The following CCDC68 variants were observed in gnomAD, a reference collection of about 807,000 sequenced individuals.
CCDC68 encodes coiled-coil domain-containing protein 68.
A neutral mutation model predicts 47.1 loss-of-function variants in CCDC68; 45 were observed. The ratio of observed to expected loss-of-function variants is 0.96; its 90% CI spans 0.75 to 1.23. The LOEUF is 1.23. CCDC68 is among the 50% of genes most tolerant of loss of function. The pLI, the probability that CCDC68 is intolerant of heterozygous loss-of-function variation, is 0.00. For synonymous variants in CCDC68, 131 were observed against 129.5 expected (o/e 1.01, Z -0.08); for missense variants, 353 against 373.6 (o/e 0.94, Z 0.45).
rs935585990 is a variant in CCDC68 at position 54,938,085 on chromosome 18, G to A, written c.217C>T (p.Leu73Phe). The A allele has an allele frequency of 2.5e-6, 4 of 1,612,774 alleles. No individual in the cohort carries two copies. The highest frequency in any genetic ancestry group is 1.7e-5 in the Admixed American group (1 of 59,792). Reference sequence around the variant, plus strand: ...ATTTCAGAATCAGAGCCCTGTTGAAGGTTTCCACAGTGCTGAAACGGACAA... The same window carrying A: ...ATTTCAGAATCAGAGCCCTGTTGAAAGTTTCCACAGTGCTGAAACGGACAA... ...HKLDAKHCGN[L>F]QQGSDSEMDP... The change falls in exon 5 of 12, where the codon CTT (leucine) becomes TTT (phenylalanine). Residue 73 changes from leucine to phenylalanine, a missense_variant. By Grantham distance (22) the Leu-to-Phe change is conservative. Coordinates refer to ENST00000591504, the MANE Select transcript of CCDC68 (RefSeq NM_025214.3).
intron 9 of CCDC68, among the ~76,000 whole-genome samples, chr18:54,918,347 A>C (rs575898402): frequency 5.3e-5 from 8 of 152,336 alleles, no homozygotes; most frequent in Non-Finnish European, 1.0e-4. Flanking sequence ...ACAGGATGCG[A>C]GACCACTGCC....
chr18:54,932,891 T>A (rs1056378590), intron 7 of CCDC68, among the ~76,000 whole-genome samples: 1 of 152,216 alleles, frequency 6.6e-6, no homozygotes, highest in Non-Finnish European at 1.5e-5. Flanking sequence ...TATACTACAT[T>A]GTCATCTCCA....
chr18:54,932,914 G>A (rs1391187230), intron 7 of CCDC68, among the ~76,000 whole-genome samples: 2 of 152,220 alleles, frequency 1.3e-5, no homozygotes, highest in Non-Finnish European at 2.9e-5. Flanking sequence ...AAAAGAGACT[G>A]TCTGGTTCAT....
chr18:54,930,422 T>C (rs1201348481), intron 7 of CCDC68, among the ~76,000 whole-genome samples: 2 of 152,210 alleles, frequency 1.3e-5, no homozygotes, highest in Non-Finnish European at 2.9e-5. Flanking sequence ...TGGACCTCAA[T>C]ATATAATAAT....
chr18:54,937,211 G>A (rs1044700602), intron 5 of CCDC68: 10 of 415,166 alleles, frequency 2.4e-5, no homozygotes, highest in East Asian at 9.3e-5. Flanking sequence ...GCATAGTAAC[G>A]TCCTGCAGTG....
At chr18:54,916,588 C>T (rs972534010) in intron 10 of CCDC68, among the ~76,000 whole-genome samples, 4 of 151,938 alleles carry the variant, frequency 2.6e-5, no homozygotes, top group Non-Finnish European at 5.9e-5. Context: ...GGGTGATGCG[C>T]CATTTGACAG....
intron 6 of CCDC68, among the ~76,000 whole-genome samples, chr18:54,935,619 G>A (rs764939569): frequency 3.9e-5 from 6 of 152,080 alleles, no homozygotes; most frequent in African/African-American, 7.2e-5. Flanking sequence ...CACACTTCCC[G>A]TCCCCACAAG....
At chr18:54,921,776 G>A (rs559743697) in intron 8 of CCDC68, among the ~76,000 whole-genome samples, 38 of 152,338 alleles carry the variant, frequency 2.5e-4, no homozygotes, top group African/African-American at 8.7e-4. Context: ...ATGAAACTAA[G>A]AAAAGCTATG....
intron 8 of CCDC68, among the ~76,000 whole-genome samples, chr18:54,920,670 C>T (rs955386110): frequency 2.0e-5 from 3 of 152,022 alleles, no homozygotes; most frequent in African/African-American, 7.3e-5. Context: ...GTCATAATGG[C>T]TATTATTAAA....
Position 54,919,254 on chromosome 18 carries a change from C to T in CCDC68, c.789+17G>A, listed in dbSNP as rs2066670422. 1 of 1,581,628 alleles carries T rather than the reference C, an allele frequency of 6.3e-7. No individual in the cohort carries two copies. The highest frequency in any genetic ancestry group is 1.7e-5 in the Admixed American group (1 of 59,972). ...AAACATACTGTCTACCAGATAAATA[C>T]ACTTGATTAATCTGACCTCCTGGAT... On this transcript the variant is annotated intron_variant, in intron 9 of 11. Coordinates refer to ENST00000591504, the MANE Select transcript of CCDC68 (RefSeq NM_025214.3).
At position 54,951,266 on chromosome 18, in the gene CCDC68, T is replaced by C. The variant is rs1294923575; in HGVS notation, c.-102-5789A>G. Among the ~76,000 whole-genome samples the C allele has an allele frequency of 1.4e-4, 21 of 152,212 alleles. No homozygotes were observed. The South Asian group carries it at 1.9e-3, about 14-fold the overall frequency. On this transcript the variant is annotated intron_variant, in intron 1 of 11. Coordinates refer to ENST00000591504, the MANE Select transcript of CCDC68 (RefSeq NM_025214.3). The stretch of plus-strand genomic sequence containing the variant: ...TAGTTCACTGGCATAATTTGAAACA[T>C]TGAAAAACAGCTGAAAGCTTCAGCC...
intron 1 of CCDC68, among the ~76,000 whole-genome samples, chr18:54,956,664 C>G (rs2044717349): frequency 6.6e-6 from 1 of 152,144 alleles, no homozygotes; most frequent in African/African-American, 2.4e-5. Context: ...ATGCTAAAGA[C>G]TATATATTGT....
chr18:54,938,203 C>G, intron 4 of CCDC68, 106 bp from the exon 5 acceptor site: 2 of 1,034,530 alleles, frequency 1.9e-6, no homozygotes, highest in Non-Finnish European at 1.3e-6. Flanking sequence ...AGCTTCAGAT[C>G]AGCACAAACA....
intron 1 of CCDC68, among the ~76,000 whole-genome samples, chr18:54,950,856 C>T (rs1240672859): frequency 1.5e-5 from 2 of 135,738 alleles, no homozygotes; most frequent in Non-Finnish European, 3.2e-5. Context: ...ATAAGAACCT[C>T]ATCAACTGAA....
intron 1 of CCDC68, among the ~76,000 whole-genome samples, chr18:54,950,958 G>A (rs1440414628): frequency 1.6e-5 from 2 of 124,828 alleles, no homozygotes; most frequent in African/African-American, 6.1e-5. Context: ...GCCCAGGCTG[G>A]AGTGCAGTGG....
chr18:54,944,998 G>T (rs1035864476), intron 2 of CCDC68, among the ~76,000 whole-genome samples: 1 of 152,160 alleles, frequency 6.6e-6, no homozygotes, highest in African/African-American at 2.4e-5. Context: ...GATAACATGT[G>T]ATGTTAAAGA....
intron 8 of CCDC68, among the ~76,000 whole-genome samples, chr18:54,922,845 G>A (rs1004015979): frequency 4.0e-5 from 6 of 151,648 alleles, no homozygotes; most frequent in South Asian, 2.1e-4. Flanking sequence ...AAAATTAGCC[G>A]GGCATGGTGG....
chr18:54,953,117 T>C (rs1372011156), intron 1 of CCDC68, among the ~76,000 whole-genome samples: 1 of 152,202 alleles, frequency 6.6e-6, no homozygotes, highest in Non-Finnish European at 1.5e-5. Context: ...ACATATTCTA[T>C]GGTTCCATTT....
At chr18:54,938,180 C>T (rs1019451271) in intron 4 of CCDC68, 83 bp from the exon 5 acceptor site, 1 of 1,313,074 alleles carries the variant, frequency 7.6e-7, no homozygotes, top group Non-Finnish European at 1.0e-6. Flanking sequence ...TTTAGTATTA[C>T]ATATATCAAA....
Sources: allele counts gnomAD v4.1 joint callset (sites outside exome capture counted in the v4.1 genomes callset), GRCh38; gene constraint gnomAD v4.1.1; transcripts MANE v1.5; gene names NCBI Gene and HGNC (gene_info 2026-07-23, HGNC 2026-07-21).